The following TBC1D5 variants were observed in gnomAD, a reference collection of about 807,000 sequenced individuals.
TBC1D5 encodes TBC1 domain family member 5.
A neutral mutation model predicts 100.3 loss-of-function variants in TBC1D5; 75 were observed. That is an observed-to-expected ratio of 0.75 (90% CI 0.62 to 0.91). TBC1D5 has a LOEUF of 0.91. Among genes scored for constraint, TBC1D5 ranks in the 40% least tolerant of loss-of-function variants. The probability of loss-of-function intolerance (pLI) is 0.00; values close to 1 mark genes in which losing one functional copy is unlikely to be tolerated. For synonymous variants in TBC1D5, 323 were observed against 325.6 expected, an observed-to-expected ratio of 0.99 and a Z score of 0.09; for missense variants, 910 against 942.4, an observed-to-expected ratio of 0.97 and a Z score of 0.45.
At chr3:17,529,298 C>G (rs2096184181) in intron 2 of TBC1D5, among the ~76,000 whole-genome samples, 1 of 152,164 alleles carries the variant, frequency 6.6e-6, no homozygotes, top group Non-Finnish European at 1.5e-5. Context: ...AGCCGCAGAG[C>G]CTTTACAAAA....
At chr3:17,382,331 C>T (rs938800049) in intron 9 of TBC1D5, among the ~76,000 whole-genome samples, 2 of 151,980 alleles carry the variant, frequency 1.3e-5, no homozygotes, top group African/African-American at 4.8e-5. Context: ...ACACTCAGTG[C>T]TTTTAATCCC....
At position 17,625,805 on chromosome 3, in the gene TBC1D5, T is replaced by A. The variant is rs544695110; in HGVS notation, c.-100-1892A>T. On this transcript the variant is annotated intron_variant, in intron 1 of 21. Coordinates refer to ENST00000253692, the Ensembl canonical transcript of TBC1D5. ...AAATAATGTATCTATGCATAACATA[T>A]CTACTTTCAATCTAATCTTATTCTC... 1.4e-3 allele frequency among the ~76,000 whole-genome samples: 206 copies of A among 152,180 alleles called. 1 individual carries two copies. Among genetic ancestry groups the A allele is most frequent in the African/African-American group, 4.7e-3 (197 of 41,554 alleles).
chr3:17,522,609 G>A (rs539910965), intron 2 of TBC1D5, among the ~76,000 whole-genome samples: 1 of 151,468 alleles, frequency 6.6e-6, no homozygotes, highest in Non-Finnish European at 1.5e-5. Flanking sequence ...GGCCAGAAAG[G>A]GTACATGAAA....
intron 1 of TBC1D5, among the ~76,000 whole-genome samples, chr3:17,629,652 G>C (rs758486278): frequency 6.1e-4 from 93 of 152,262 alleles, no homozygotes; most frequent in Non-Finnish European, 1.1e-3. Context: ...AAGTAAAACA[G>C]TGATGTAAGT....
intron 9 of TBC1D5, among the ~76,000 whole-genome samples, chr3:17,382,054 C>A (rs2092967228): frequency 1.3e-5 from 2 of 151,892 alleles, no homozygotes; most frequent in Admixed American, 1.3e-4. Flanking sequence ...GTTTTAATAT[C>A]TATATTTCCC....
intron 16 of TBC1D5, among the ~76,000 whole-genome samples, chr3:17,239,225 G>A (rs531056647): frequency 6.6e-6 from 1 of 152,188 alleles, no homozygotes; most frequent in African/African-American, 2.4e-5. Flanking sequence ...TTAAATGGTA[G>A]CAGCATCTAC....
At chr3:17,401,854 T>C (rs1260668896) in intron 8 of TBC1D5, among the ~76,000 whole-genome samples, 1 of 152,170 alleles carries the variant, frequency 6.6e-6, no homozygotes, top group Admixed American at 6.6e-5. Context: ...TGATTAACTA[T>C]ATACTTACTG....
At chr3:17,628,670 A>T (rs2153666673) in intron 1 of TBC1D5, among the ~76,000 whole-genome samples, 1 of 152,342 alleles carries the variant, frequency 6.6e-6, no homozygotes, top group Non-Finnish European at 1.5e-5. Flanking sequence ...TATAATATAT[A>T]ATCTTTACCA....
At chr3:17,246,636 A>G (rs1232213087) in intron 16 of TBC1D5, among the ~76,000 whole-genome samples, 2 of 152,238 alleles carry the variant, frequency 1.3e-5, no homozygotes, top group African/African-American at 4.8e-5. Flanking sequence ...TTAATTCAGT[A>G]GAGAAAGAAA....
chr3:17,281,861 C>T (rs2080636391), intron 15 of TBC1D5, among the ~76,000 whole-genome samples: 1 of 151,826 alleles, frequency 6.6e-6, no homozygotes, highest in African/African-American at 2.4e-5. Context: ...TTTATGTGGC[C>T]ATAACCACTA....
intron 3 of TBC1D5, among the ~76,000 whole-genome samples, chr3:17,471,655 A>T (rs1218615962): frequency 2.5e-5 from 3 of 120,796 alleles, no homozygotes; most frequent in Non-Finnish European, 4.7e-5. Flanking sequence ...TGGGCGACAG[A>T]GCGAGACTCC....
At chr3:17,383,887 T>C in intron 9 of TBC1D5, 26 bp downstream of exon 9, 2 of 1,555,900 alleles carry the variant, frequency 1.3e-6, no homozygotes, top group Non-Finnish European at 1.8e-6. Flanking sequence ...AGTCAATGGA[T>C]GCCACCTGTA....
At chr3:17,532,172 A>G (rs1486101074) in intron 2 of TBC1D5, among the ~76,000 whole-genome samples, 6 of 152,202 alleles carry the variant, frequency 3.9e-5, no homozygotes, top group African/African-American at 7.2e-5. Flanking sequence ...AAAAGTGGGC[A>G]AAGGATATGA....
intron 18 of TBC1D5, among the ~76,000 whole-genome samples, chr3:17,213,354 T>C (rs1204779314): frequency 6.6e-6 from 1 of 152,218 alleles, no homozygotes; most frequent in Admixed American, 6.5e-5. Context: ...TGTTAAGCTA[T>C]GCATGGCTGT....
At chr3:17,646,671 CTT>C (rs916156848) in intron 1 of TBC1D5, among the ~76,000 whole-genome samples, 1 of 152,176 alleles carries the variant, frequency 6.6e-6, no homozygotes, top group Non-Finnish European at 1.5e-5. Context: ...TTGCTTCTCT[CTT>C]GTTCATTCAC....
intron 13 of TBC1D5, among the ~76,000 whole-genome samples, chr3:17,356,503 C>T (rs1022828119): frequency 2.0e-5 from 3 of 152,082 alleles, no homozygotes; most frequent in Non-Finnish European, 4.4e-5. Context: ...TATCTGCTTA[C>T]TCAATAATGA....
chr3:17,213,395 T>C (rs2073221448), intron 18 of TBC1D5, among the ~76,000 whole-genome samples: 3 of 152,348 alleles, frequency 2.0e-5, no homozygotes, highest in Admixed American at 1.3e-4. Flanking sequence ...GAAGTTGGCT[T>C]ATAATAATTT....
At chr3:17,672,155 C>T (rs1560429438) in intron 1 of TBC1D5, among the ~76,000 whole-genome samples, 1 of 152,108 alleles carries the variant, frequency 6.6e-6, no homozygotes, top group African/African-American at 2.4e-5. Context: ...TTTAAATATA[C>T]TTTTAAACAT....
intron 3 of TBC1D5, among the ~76,000 whole-genome samples, chr3:17,474,448 T>C (rs755990345): frequency 6.6e-6 from 1 of 152,150 alleles, no homozygotes; most frequent in Non-Finnish European, 1.5e-5. Flanking sequence ...TGATTTATTA[T>C]AAGTTTTCTG....
Sources: gnomAD v4.1 joint callset for allele counts (sites outside exome capture counted in the v4.1 genomes callset) on GRCh38, gnomAD v4.1.1 for gene constraint, MANE v1.5 for transcripts, NCBI Gene and HGNC (gene_info 2026-07-23, HGNC 2026-07-21) for gene names.